The following GPD2 variants were observed in gnomAD, a reference collection of about 807,000 sequenced individuals.
GPD2 encodes the protein glycerol-3-phosphate dehydrogenase 2.
A neutral mutation model predicts 82.4 loss-of-function variants in GPD2; 54 were observed. The observed-to-expected ratio is 0.66, with a 90% CI of 0.53 to 0.82. The LOEUF is 0.82. Among genes scored for constraint, GPD2 ranks in the 40% least tolerant of loss-of-function variants. GPD2 has a pLI of 0.00. For synonymous variants in GPD2, 288 were observed against 306.1 expected (o/e 0.94, Z 0.62); for missense variants, 748 against 896.2 (o/e 0.83, Z 2.11).
chr2:156,487,430 A>G (rs990116127), intron 2 of GPD2, among the ~76,000 whole-genome samples: 1 of 152,210 alleles, frequency 6.6e-6, no homozygotes, highest in Non-Finnish European at 1.5e-5. Flanking sequence ...AACTGCCATC[A>G]ACAGTTCTGC....
At chr2:156,536,938 C>T (rs905488457) in intron 6 of GPD2, among the ~76,000 whole-genome samples, 3 of 152,124 alleles carry the variant, frequency 2.0e-5, no homozygotes, top group African/African-American at 7.2e-5. Context: ...AGGTCATCCC[C>T]TTGAAAAGAG....
chr2:156,510,655 G>C lies in GPD2; in HGVS notation c.275-141G>C, dbSNP rs958998874. Reference sequence around the variant, plus strand: ...AAATCTCTTCATTATAATATAGACAGTGTACTGCACTTTGAATACAAATTT... The same window carrying C: ...AAATCTCTTCATTATAATATAGACACTGTACTGCACTTTGAATACAAATTT... On this transcript the variant is annotated intron_variant, in intron 3 of 16. Coordinates refer to ENST00000438166, the MANE Select transcript of GPD2 (RefSeq NM_000408.5). 2.5e-5 allele frequency: 18 copies of C among 715,734 alleles called. No individual in the cohort carries two copies. In the African/African-American group the frequency reaches 3.0e-4, roughly 12 times the overall value. 44.3% of individuals were successfully genotyped at this position (715,734 alleles called of 1,614,324 possible).
intron 6 of GPD2, among the ~76,000 whole-genome samples, chr2:156,537,527 G>T (rs1051186064): frequency 6.6e-6 from 1 of 152,088 alleles, no homozygotes; most frequent in African/African-American, 2.4e-5. Flanking sequence ...TAAGTCATAC[G>T]TTTTCAATTT....
chr2:156,424,173 C>T, the GPD2 span, among the ~76,000 whole-genome samples: 2 of 146,676 alleles, frequency 1.4e-5, no homozygotes, highest in African/African-American at 5.0e-5. Flanking sequence ...ACTCAGGTTA[C>T]CTTCAGGACT....
intron 13 of GPD2, 44 bp downstream of exon 13, chr2:156,571,336 G>T (rs991606089): frequency 7.9e-7 from 1 of 1,263,864 alleles, no homozygotes; most frequent in Non-Finnish European, 1.1e-6. Flanking sequence ...TATTGTAAAC[G>T]CGGAATGGCT....
intron 6 of GPD2, among the ~76,000 whole-genome samples, chr2:156,530,051 T>C (rs1364687940): frequency 6.6e-6 from 1 of 150,444 alleles, no homozygotes; most frequent in Non-Finnish European, 1.5e-5. Flanking sequence ...TTTCACTATA[T>C]TGATTCTTCC....
At chr2:156,484,885 T>G (rs1683879768) in intron 2 of GPD2, among the ~76,000 whole-genome samples, 1 of 152,118 alleles carries the variant, frequency 6.6e-6, no homozygotes, top group South Asian at 2.1e-4. Context: ...ATTCTTTCCT[T>G]GAGCATAACT....
chr2:156,498,400 G>C (rs116452074), intron 3 of GPD2, among the ~76,000 whole-genome samples: 3,182 of 152,258 alleles, frequency 0.021, 113 homozygotes, highest in African/African-American at 0.073. Context: ...ATGGTCAGGA[G>C]TGGGAAACTT....
At chr2:156,560,230 A>C (rs1467114445) in intron 9 of GPD2, among the ~76,000 whole-genome samples, 1 of 152,130 alleles carries the variant, frequency 6.6e-6, no homozygotes, top group Non-Finnish European at 1.5e-5. Flanking sequence ...CCGTGAAGTG[A>C]GCGTGGGGCT....
intron 6 of GPD2, among the ~76,000 whole-genome samples, chr2:156,530,840 G>T (rs1685827401): frequency 6.6e-6 from 1 of 152,084 alleles, no homozygotes; most frequent in South Asian, 2.1e-4. Flanking sequence ...TTTTAAAGTA[G>T]CAAACAATGC....
chr2:156,512,330 A>G lies in GPD2; in HGVS notation c.497+13A>G, dbSNP rs1558936086. On this transcript the variant is annotated intron_variant, in intron 5 of 16. Transcript: ENST00000438166. ...TTCCAGTTTACAAGTAAGCCTTTTGATATCACCTGTATGCATTTGCTTCTC... is the reference window on the plus strand; with the variant it reads ...TTCCAGTTTACAAGTAAGCCTTTTGGTATCACCTGTATGCATTTGCTTCTC... 4.0e-6 allele frequency: 5 copies of G among 1,255,000 alleles called. No individual in the cohort carries two copies. The highest frequency in any genetic ancestry group is 5.9e-6 in the Non-Finnish European group (5 of 851,904). The allele number at this position is 1,255,000 out of a possible 1,614,324, so 77.7% of individuals were successfully genotyped here.
chr2:156,506,067 A>G (rs1208897443), intron 3 of GPD2, among the ~76,000 whole-genome samples: 1 of 152,210 alleles, frequency 6.6e-6, no homozygotes, highest in Non-Finnish European at 1.5e-5. Context: ...TATGACTTCT[A>G]ATAATGTCTT....
chr2:156,496,548 CTT>C (rs1054377519), intron 3 of GPD2, among the ~76,000 whole-genome samples: 12 of 152,166 alleles, frequency 7.9e-5, no homozygotes, highest in Admixed American at 2.6e-4. Flanking sequence ...ACATTTCTCT[CTT>C]GTTTCCAGAT....
At chr2:156,558,685 C>T (rs966839056) in intron 9 of GPD2, among the ~76,000 whole-genome samples, 2 of 151,318 alleles carry the variant, frequency 1.3e-5, no homozygotes, top group East Asian at 1.9e-4. Flanking sequence ...GCAATCTCTG[C>T]CTCCCAGGTT....
rs1366893396 is a variant in GPD2 at position 156,578,924 on chromosome 2, T to C, written c.1803T>C (p.Tyr601=). ...AAACAGCCAGGAAGTTTCTATATTA[T>C]GAAATGGGCTATAAATCTCGATCAG... ...QLETARKFLY[Y]EMGYKSRSEQ... Residue 601 remains tyrosine (Y), a synonymous_variant, in exon 14 of 17, where the codon TAT becomes TAC. Coordinates refer to ENST00000438166, the MANE Select transcript of GPD2 (RefSeq NM_000408.5). 57 of 1,610,834 alleles carry C rather than the reference T, an allele frequency of 3.5e-5. No homozygotes were observed. The highest frequency in any genetic ancestry group is 4.7e-5 in the Non-Finnish European group (55 of 1,177,416).
rs973789456 is a variant in GPD2 at position 156,586,281 on chromosome 2, A to T, written c.*3363A>T. 6.6e-6 allele frequency: 1 copy of T among 152,358 alleles called. No individual in the cohort carries two copies. The highest frequency in any genetic ancestry group is 1.5e-5 in the Non-Finnish European group (1 of 67,958). The allele number at this position is 152,358 out of a possible 1,614,324, so 9.4% of individuals were successfully genotyped here. On this transcript the variant is annotated 3_prime_UTR_variant, in exon 17 of 17. Transcript: ENST00000438166. ...ACACAAAAGTGAAATATCTACAGAGATAGATGTAATTTTATAAGACTGCCA... is the reference window on the plus strand; with the variant it reads ...ACACAAAAGTGAAATATCTACAGAGTTAGATGTAATTTTATAAGACTGCCA...
Position 156,436,423 on chromosome 2 carries a change from C to T in GPD2, c.-99C>T, listed in dbSNP as rs1273148861. 1 of 152,422 alleles carries T rather than the reference C, an allele frequency of 6.6e-6. No homozygotes were observed. The highest frequency in any genetic ancestry group is 1.5e-5 in the Non-Finnish European group (1 of 68,234). The allele number at this position is 152,422 out of a possible 1,614,324, so 9.4% of individuals were successfully genotyped here. ...CTCGCTGGGAGCACCCGGGCCGAGG[C>T]TCTGATTCTGGGGGGAGGCCGACTC... On this transcript the variant is annotated 5_prime_UTR_variant, in exon 1 of 17. Transcript: ENST00000438166.
At chr2:156,573,896 GATAA>G (rs1687725440) in intron 13 of GPD2, among the ~76,000 whole-genome samples, 1 of 152,112 alleles carries the variant, frequency 6.6e-6, no homozygotes, top group Non-Finnish European at 1.5e-5. Context: ...GGAACAAGGT[GATAA>G]ATAACTCTCC....
At chr2:156,512,851 T>A (rs1284512260) in intron 5 of GPD2, among the ~76,000 whole-genome samples, 1 of 152,198 alleles carries the variant, frequency 6.6e-6, no homozygotes, top group Admixed American at 6.5e-5. Context: ...ATTCAGGTAG[T>A]ATGAACAAGT....
Sources: allele counts gnomAD v4.1 joint callset (sites outside exome capture counted in the v4.1 genomes callset), GRCh38; gene constraint gnomAD v4.1.1; transcripts MANE v1.5; gene names NCBI Gene and HGNC (gene_info 2026-07-23, HGNC 2026-07-21).